GRAMD4: variants seen among roughly 807,000 people sequenced by gnomAD.
GRAMD4 encodes GRAM domain containing 4.
Under a neutral mutation model 83.9 loss-of-function variants are expected in GRAMD4, and 25 were observed. The ratio of observed to expected loss-of-function variants is 0.30; its 90% CI spans 0.22 to 0.42. The LOEUF is 0.42. Ranked by LOEUF, GRAMD4 falls within the 10% of genes least tolerant of loss-of-function variation. The pLI, the probability that GRAMD4 is intolerant of heterozygous loss-of-function variation, is 1.00. For synonymous variants in GRAMD4, 336 were observed against 320.9 expected (o/e 1.05, Z -0.50); for missense variants, 593 against 788.7 (o/e 0.75, Z 2.97).
intron 1 of GRAMD4, among the ~76,000 whole-genome samples, chr22:46,613,884 A>T (rs943163704): frequency 8.6e-5 from 13 of 151,616 alleles, no homozygotes; most frequent in African/African-American, 3.2e-4. Flanking sequence ...CTTCTATTTC[A>T]CGCATCTGTC....
chr22:46,593,213 C>T (rs746337729), intron 1 of GRAMD4, among the ~76,000 whole-genome samples: 2 of 152,058 alleles, frequency 1.3e-5, no homozygotes, highest in Non-Finnish European at 2.9e-5. Flanking sequence ...TTTAAAAAGT[C>T]GTAAGTTCTG....
chr22:46,664,328 G>A (rs1054399091), intron 8 of GRAMD4, among the ~76,000 whole-genome samples: 1 of 152,232 alleles, frequency 6.6e-6, no homozygotes, highest in Non-Finnish European at 1.5e-5. Flanking sequence ...GATGTTGGGC[G>A]TGGCCCGGGG....
At chr22:46,670,013 G>A (rs2082477875) in intron 13 of GRAMD4, among the ~76,000 whole-genome samples, 1 of 152,240 alleles carries the variant, frequency 6.6e-6, no homozygotes, top group African/African-American at 2.4e-5. Context: ...TCCTTGAGGG[G>A]CAGGTGGGAC....
chr22:46,591,074 A>AAG (rs955601737), intron 1 of GRAMD4, among the ~76,000 whole-genome samples: 19 of 145,786 alleles, frequency 1.3e-4, no homozygotes, highest in African/African-American at 5.0e-4. Flanking sequence ...GAAAAAGAAA[A>AAG]AAAAACAAAC....
At position 46,626,970 on chromosome 22, in the gene GRAMD4, C is replaced by T; in HGVS notation, c.162+9C>T. 3 of 1,600,530 alleles carry T rather than the reference C, an allele frequency of 1.9e-6. No homozygotes were observed. Among genetic ancestry groups the T allele is most frequent in the Non-Finnish European group, 2.6e-6 (3 of 1,168,050 alleles). On this transcript the variant is annotated intron_variant, in intron 2 of 18. Coordinates refer to ENST00000406902, the MANE Select transcript of GRAMD4 (RefSeq NM_015124.5). ...AGGAGCTGAGGGACCCTGTGAGTAC[C>T]TGTCCTCGTCCCCCGGTGTGGGCTG... is the stretch of plus-strand genomic sequence containing the variant.
Position 46,678,934 on chromosome 22 carries a change from G to A in GRAMD4, c.*1683G>A. ...ACTGCGCGGACGTTGGCGTCAGGATGACCACACGGCGGCCTTTCCCGAATG... is the reference window on the plus strand; with the variant it reads ...ACTGCGCGGACGTTGGCGTCAGGATAACCACACGGCGGCCTTTCCCGAATG... On this transcript the variant is annotated 3_prime_UTR_variant, in exon 19 of 19. Coordinates refer to ENST00000406902, the MANE Select transcript of GRAMD4 (RefSeq NM_015124.5). The A allele has an allele frequency of 1.0e-6, 1 of 985,846 alleles. No individual in the cohort carries two copies. The highest frequency in any genetic ancestry group is 1.2e-6 in the Non-Finnish European group (1 of 830,016). 61.1% of individuals were successfully genotyped at this position (985,846 alleles called of 1,614,324 possible).
chr22:46,602,762 C>CTTTTTTTTTTTT (rs534249203), intron 1 of GRAMD4, among the ~76,000 whole-genome samples: 3 of 121,436 alleles, frequency 2.5e-5, no homozygotes, highest in Non-Finnish European at 3.3e-5. Flanking sequence ...CCATTTTTCT[C>CTTTTTTTTTTTT]TTTTTTTTTT....
intron 3 of GRAMD4, among the ~76,000 whole-genome samples, chr22:46,653,089 GT>G (rs2082190959): frequency 1.3e-5 from 2 of 152,234 alleles, no homozygotes; most frequent in African/African-American, 4.8e-5. Flanking sequence ...GCTCCAGCTG[GT>G]TTCGTTTACT....
upstream of GRAMD4, among the ~76,000 whole-genome samples, chr22:46,616,134 CTGTGTGTAGGTTCCCCTG>C (rs2081487572): frequency 2.1e-5 from 3 of 141,272 alleles, no homozygotes; most frequent in South Asian, 2.3e-4. Context: ...GCAGGTTCCC[CTGTGTGTAGGTTCCCCTG>C]TGTGTGTAGG....
At chr22:46,592,335 T>A (rs1351555936) in intron 1 of GRAMD4, among the ~76,000 whole-genome samples, 2 of 152,040 alleles carry the variant, frequency 1.3e-5, no homozygotes, top group East Asian at 3.9e-4. Context: ...CAGAGCTGGG[T>A]GCAGGGGTGC....
At chr22:46,631,052 C>T (rs1293012721) in intron 2 of GRAMD4, among the ~76,000 whole-genome samples, 8 of 152,378 alleles carry the variant, frequency 5.3e-5, no homozygotes, top group East Asian at 3.9e-4. Context: ...AGGGGCAAGA[C>T]GGCAGTGCCG....
At chr22:46,590,740 A>G (rs1434803464) in intron 1 of GRAMD4, among the ~76,000 whole-genome samples, 1 of 152,210 alleles carries the variant, frequency 6.6e-6, no homozygotes, top group Non-Finnish European at 1.5e-5. Flanking sequence ...GAGGACAGCT[A>G]AGGACGATGG....
At position 46,621,302 on chromosome 22, in the gene GRAMD4, C is replaced by T. The variant is rs1027509726; in HGVS notation, c.-50+737C>T. Reference sequence around the variant, plus strand: ...CGTGTGCTGGGTAATAGTGTCCTCCCCCAAAATTCATGTCCACCTCGTACC... The same window carrying T: ...CGTGTGCTGGGTAATAGTGTCCTCCTCCAAAATTCATGTCCACCTCGTACC... On this transcript the variant is annotated intron_variant, in intron 1 of 18. Coordinates refer to ENST00000406902, the MANE Select transcript of GRAMD4 (RefSeq NM_015124.5). This position sits in a 1 kb window ranked among gnomAD's most constrained non-coding sequence, Gnocchi z 5.8. Among the ~76,000 whole-genome samples, 2 of 152,170 alleles carry T rather than the reference C, an allele frequency of 1.3e-5. No homozygotes were observed. The highest frequency in any genetic ancestry group is 4.8e-5 in the African/African-American group (2 of 41,420).
intron 13 of GRAMD4, among the ~76,000 whole-genome samples, 200 bp downstream of exon 13, chr22:46,669,108 A>AGT (rs1476665578): frequency 6.6e-6 from 1 of 152,070 alleles, no homozygotes; most frequent in Non-Finnish European, 1.5e-5. Context: ...TCTTAAATCA[A>AGT]GAAGCCCTCC....
At chr22:46,665,852 C>G (rs2082400651) in intron 9 of GRAMD4, 146 bp downstream of exon 9, 1 of 600,432 alleles carries the variant, frequency 1.7e-6, no homozygotes, top group Non-Finnish European at 3.1e-6. Context: ...CAGAGACCCC[C>G]CAGGCAGGGC....
rs982004328 is a variant in GRAMD4, at chr22:46,640,766, C to T, written c.283+2806C>T. ...CGCAACAAGATTCCCAGCAAGATTC[C>T]GGACCAGGCAGGCTTCCCCGACACG... On this transcript the variant is annotated intron_variant, in intron 3 of 18. Transcript: ENST00000406902. Among the ~76,000 whole-genome samples, 10 of 152,236 alleles carry T rather than the reference C, an allele frequency of 6.6e-5. No homozygotes were observed. The South Asian group carries it at 1.7e-3, about 25-fold the overall frequency.
intron 1 of GRAMD4, among the ~76,000 whole-genome samples, chr22:46,584,261 C>T (rs530023157): frequency 6.6e-6 from 1 of 152,152 alleles, no homozygotes; most frequent in African/African-American, 2.4e-5. Flanking sequence ...AATCGGAAAC[C>T]AAGATCCAGG....
Position 46,668,180 on chromosome 22 carries a change from G to A in GRAMD4, c.930+13G>A. The A allele has an allele frequency of 6.3e-7, 1 of 1,599,798 alleles. No individual in the cohort carries two copies. The highest frequency in any genetic ancestry group is 8.6e-7 in the Non-Finnish European group (1 of 1,169,108). ...CCAGAAAGCCCAGGTACTGCCACGG[G>A]CGCCGGCCAGGGGTGTGTCTGCGCC... On this transcript the variant is annotated intron_variant, in intron 11 of 18. Coordinates refer to ENST00000406902, the MANE Select transcript of GRAMD4 (RefSeq NM_015124.5).
intron 1 of GRAMD4, among the ~76,000 whole-genome samples, chr22:46,600,733 G>A (rs2081304744): frequency 6.6e-6 from 1 of 152,174 alleles, no homozygotes; most frequent in African/African-American, 2.4e-5. Flanking sequence ...TGTATTCATT[G>A]CCACTCGCTA....
Sources: allele counts gnomAD v4.1 joint callset (sites outside exome capture counted in the v4.1 genomes callset), GRCh38; gene constraint gnomAD v4.1.1; non-coding constraint Gnocchi (gnomAD v3.1); transcripts MANE v1.5; gene names NCBI Gene and HGNC (gene_info 2026-07-23, HGNC 2026-07-21).